Variants in LSAMP observed in about 807,000 individuals in gnomAD.
LSAMP encodes the protein limbic system-associated membrane protein.
Under a neutral mutation model 38.6 loss-of-function variants are expected in LSAMP, and 7 were observed. The ratio of observed to expected loss-of-function variants is 0.18; its 90% CI spans 0.10 to 0.34. LSAMP has a LOEUF of 0.34. Ranked by LOEUF, LSAMP falls within the 10% of genes least tolerant of loss-of-function variation. LSAMP has a pLI of 1.00. For missense variants in LSAMP, 313 were observed against 420.0 expected (o/e 0.75, Z 2.23); for synonymous variants, 154 against 166.8 (o/e 0.92, Z 0.59).
At chr3:116,297,866 T>C (rs2047356956) in intron 1 of LSAMP, among the ~76,000 whole-genome samples, 1 of 152,206 alleles carries the variant, frequency 6.6e-6, no homozygotes, top group Non-Finnish European at 1.5e-5. Context: ...TTGCTCATGT[T>C]TTCTAATTTT....
chr3:116,386,597 C>T (rs2048629269), intron 1 of LSAMP, among the ~76,000 whole-genome samples: 1 of 152,128 alleles, frequency 6.6e-6, no homozygotes. Flanking sequence ...CTCAGTCTCC[C>T]AAGTAGGTAG....
intron 1 of LSAMP, among the ~76,000 whole-genome samples, chr3:116,353,441 G>C (rs1348667792): frequency 1.3e-5 from 2 of 151,876 alleles, no homozygotes; most frequent in Non-Finnish European, 2.9e-5. Flanking sequence ...TAATTACTTC[G>C]TATGCAAAAG....
chr3:116,226,880 C>T (rs1409141491), intron 1 of LSAMP, among the ~76,000 whole-genome samples: 4 of 152,238 alleles, frequency 2.6e-5, no homozygotes, highest in Non-Finnish European at 5.9e-5. Context: ...CACGCCACCA[C>T]TGAGTTGCCT....
At chr3:116,219,405 A>G (rs762884992) in intron 1 of LSAMP, among the ~76,000 whole-genome samples, 5 of 152,248 alleles carry the variant, frequency 3.3e-5, no homozygotes, top group Non-Finnish European at 7.3e-5. Flanking sequence ...TAGTGCTGCA[A>G]TGAACATCGG....
At chr3:116,198,075 T>C (rs1268114317) in intron 1 of LSAMP, among the ~76,000 whole-genome samples, 1 of 152,010 alleles carries the variant, frequency 6.6e-6, no homozygotes, top group African/African-American at 2.4e-5. Flanking sequence ...ATGTGCAAAG[T>C]TGGAATAAAA....
At chr3:116,204,204 G>A (rs2107597024) in intron 1 of LSAMP, among the ~76,000 whole-genome samples, 1 of 151,818 alleles carries the variant, frequency 6.6e-6, no homozygotes, top group East Asian at 1.9e-4. Context: ...GTCTTCTTTT[G>A]AGAAGTGTCT....
chr3:115,949,872 C>T (rs1938226552), intron 3 of LSAMP, among the ~76,000 whole-genome samples: 1 of 151,814 alleles, frequency 6.6e-6, no homozygotes, highest in Non-Finnish European at 1.5e-5. Flanking sequence ...AACAGCATAT[C>T]AAAAAGATAA....
chr3:116,135,934 A>T (rs1709238089), intron 1 of LSAMP, among the ~76,000 whole-genome samples: 2 of 152,274 alleles, frequency 1.3e-5, no homozygotes, highest in Middle Eastern at 6.8e-3. Context: ...TTGTGATATA[A>T]ATAGCCTTAA....
chr3:115,854,571 A>G (rs1270383624), intron 3 of LSAMP, among the ~76,000 whole-genome samples: 1 of 152,156 alleles, frequency 6.6e-6, no homozygotes, highest in East Asian at 1.9e-4. Context: ...CTCCTTTGCC[A>G]ACATTTAAAG....
intron 1 of LSAMP, among the ~76,000 whole-genome samples, chr3:116,189,416 A>G (rs946255033): frequency 6.6e-6 from 1 of 152,222 alleles, no homozygotes; most frequent in Non-Finnish European, 1.5e-5. Flanking sequence ...CTACGAATCA[A>G]GGCTTCCTCT....
At chr3:116,128,263 A>G (rs2107498256) in intron 1 of LSAMP, among the ~76,000 whole-genome samples, 1 of 152,336 alleles carries the variant, frequency 6.6e-6, no homozygotes, top group South Asian at 2.1e-4. Context: ...TTTTTACAGA[A>G]ATCTCTTCAC....
intron 1 of LSAMP, among the ~76,000 whole-genome samples, chr3:116,206,671 C>T (rs2046074253): frequency 6.6e-6 from 1 of 151,766 alleles, no homozygotes; most frequent in South Asian, 2.1e-4. Flanking sequence ...ATCCAGTAGT[C>T]ATTCAGGAGC....
At chr3:116,060,198 G>GTTT (rs55818433) in intron 2 of LSAMP, among the ~76,000 whole-genome samples, 1,887 of 141,998 alleles carry the variant, frequency 0.013, 42 homozygotes, top group African/African-American at 0.039. Flanking sequence ...AAGCAACATA[G>GTTT]TTTTTTTTTT....
At chr3:116,144,302 C>T (rs1366681574) in intron 1 of LSAMP, among the ~76,000 whole-genome samples, 1 of 151,756 alleles carries the variant, frequency 6.6e-6, no homozygotes, top group East Asian at 1.9e-4. Flanking sequence ...TTTGGGAGAC[C>T]AATGCGAGAG....
intron 3 of LSAMP, among the ~76,000 whole-genome samples, chr3:115,950,798 C>CAAAAAAAAAAAAAA (rs56179163): frequency 1.2e-5 from 1 of 86,728 alleles, no homozygotes; most frequent in African/African-American, 5.2e-5. Context: ...CAAGACTTAG[C>CAAAAAAAAAAAAAA]AAAAAAAAAA....
chr3:116,230,783 A>G (rs1265532058), intron 1 of LSAMP, among the ~76,000 whole-genome samples: 1 of 151,732 alleles, frequency 6.6e-6, no homozygotes, highest in Non-Finnish European at 1.5e-5. Context: ...CTTTGTAATT[A>G]AAAAAAAACT....
intron 1 of LSAMP, among the ~76,000 whole-genome samples, chr3:116,209,289 G>A (rs547112595): frequency 1.2e-4 from 19 of 152,154 alleles, no homozygotes; most frequent in South Asian, 1.0e-3. Flanking sequence ...ACTGACCTGC[G>A]CCCACTGTCT....
intron 3 of LSAMP, among the ~76,000 whole-genome samples, chr3:116,019,101 G>A (rs1011140877): frequency 7.7e-5 from 10 of 130,476 alleles, no homozygotes; most frequent in Admixed American, 6.6e-4. Flanking sequence ...AAACTGGCAT[G>A]TATTTTACAT....
intron 3 of LSAMP, among the ~76,000 whole-genome samples, chr3:115,944,663 G>A (rs1157880270): frequency 1.3e-5 from 2 of 152,138 alleles, no homozygotes; most frequent in Non-Finnish European, 2.9e-5. Flanking sequence ...AATTGCAATT[G>A]CACTCTGTGT....
Sources: gnomAD v4.1 joint callset for allele counts (sites outside exome capture counted in the v4.1 genomes callset) on GRCh38, gnomAD v4.1.1 for gene constraint, MANE v1.5 for transcripts, NCBI Gene and HGNC (gene_info 2026-07-23, HGNC 2026-07-21) for gene names.